The following GALNT18 variants were observed in gnomAD, a reference collection of about 807,000 sequenced individuals.
The protein encoded by GALNT18 is GalNAc-transferase 18.
Under a neutral mutation model 69.5 loss-of-function variants are expected in GALNT18, and 44 were observed. The ratio of observed to expected loss-of-function variants is 0.63; its 90% CI spans 0.50 to 0.81. GALNT18 has a LOEUF of 0.81. Among genes scored for constraint, GALNT18 ranks in the 40% least tolerant of loss-of-function variants. The pLI is 0.00. For missense variants in GALNT18, 715 were observed against 810.0 expected, an observed-to-expected ratio of 0.88 and a Z score of 1.42; for synonymous variants, 364 against 318.2, an observed-to-expected ratio of 1.14 and a Z score of -1.53.
chr11:11,390,085 T>A (rs915912448), intron 3 of GALNT18, among the ~76,000 whole-genome samples: 2 of 152,164 alleles, frequency 1.3e-5, no homozygotes, highest in African/African-American at 4.8e-5. Flanking sequence ...GATTCTGAGA[T>A]CCCATGAGTC....
In GALNT18 at chr11:11,463,122, T is replaced by G. The variant is rs978871091; in HGVS notation, c.236-14186A>C. Among the ~76,000 whole-genome samples the G allele has an allele frequency of 1.3e-5, 2 of 152,024 alleles. No individual in the cohort carries two copies. Among genetic ancestry groups the G allele is most frequent in the African/African-American group, 4.8e-5 (2 of 41,398 alleles). ...AGACCCTGGAACTATTAGTACAGTCTCCCACAAGAGAACAGGGTTCCTGCT... is the reference window on the plus strand; with the variant it reads ...AGACCCTGGAACTATTAGTACAGTCGCCCACAAGAGAACAGGGTTCCTGCT... On this transcript the variant is annotated intron_variant, in intron 1 of 10. Transcript: ENST00000227756. The surrounding 1 kb of genome is among the most constrained non-coding windows in gnomAD (Gnocchi z 4.2).
rs1849827466 is a variant in GALNT18, at chr11:11,320,678, C to G, written c.1512+6408G>C. Among the ~76,000 whole-genome samples, 1 of 152,168 alleles carries G rather than the reference C, an allele frequency of 6.6e-6. No individual in the cohort carries two copies. Among genetic ancestry groups the G allele is most frequent in the African/African-American group, 2.4e-5 (1 of 41,442 alleles). ...GATGACTTTGGGAAGCCTTGCCAGA[C>G]AGCAGCCCCTTACCTTTCACTCATC... On this transcript the variant is annotated intron_variant, in intron 9 of 10. Coordinates refer to ENST00000227756, the MANE Select transcript of GALNT18 (RefSeq NM_198516.3). This position sits in a 1 kb window ranked among gnomAD's most constrained non-coding sequence, Gnocchi z 4.9.
intron 2 of GALNT18, among the ~76,000 whole-genome samples, chr11:11,437,885 G>A (rs1269311123): frequency 6.6e-6 from 1 of 152,162 alleles, no homozygotes; most frequent in Non-Finnish European, 1.5e-5. Context: ...TGGGAGTGGA[G>A]GTGGGGCCCA....
At position 11,400,271 on chromosome 11, in the gene GALNT18, C is replaced by T. The variant is rs916640742; in HGVS notation, c.596-21007G>A. On this transcript the variant is annotated intron_variant, in intron 3 of 10. Coordinates refer to ENST00000227756, the MANE Select transcript of GALNT18 (RefSeq NM_198516.3). ...CCAAACCCACCCAGCTAAGACACTC[C>T]TGGATTCCTGACACTCAAAATTGTG... is the stretch of plus-strand genomic sequence containing the variant. 2.6e-5 allele frequency among the ~76,000 whole-genome samples: 4 copies of T among 152,334 alleles called. No homozygotes were observed. The East Asian group carries it at 7.7e-4, about 29-fold the overall frequency.
rs367816158 is a variant in GALNT18 at position 11,393,768 on chromosome 11, G to C, written c.596-14504C>G. Among the ~76,000 whole-genome samples the C allele has an allele frequency of 3.9e-5, 6 of 152,318 alleles. No individual in the cohort carries two copies. In the South Asian group the frequency reaches 1.2e-3, roughly 32 times the overall value. On this transcript the variant is annotated intron_variant, in intron 3 of 10. Coordinates refer to ENST00000227756, the MANE Select transcript of GALNT18 (RefSeq NM_198516.3). ...GCCCATCTTCTCACTGCGCCTTTCA[G>C]CATTATTGATTTTTTCCAGATCCCT... is the stretch of plus-strand genomic sequence containing the variant.
At position 11,542,568 on chromosome 11, in the gene GALNT18, C is replaced by T. The variant is rs185776769; in HGVS notation, c.235+78791G>A. Reference sequence around the variant, plus strand: ...TTCCGGAAAACAGTCATGCCAAGCTCAAAGAAGAAGGAACTAGGTGTCAAA... The same window carrying T: ...TTCCGGAAAACAGTCATGCCAAGCTTAAAGAAGAAGGAACTAGGTGTCAAA... On this transcript the variant is annotated intron_variant, in intron 1 of 10. Coordinates refer to ENST00000227756, the MANE Select transcript of GALNT18 (RefSeq NM_198516.3). This position sits in a 1 kb window ranked among gnomAD's most constrained non-coding sequence, Gnocchi z 4.3. 7.9e-5 allele frequency among the ~76,000 whole-genome samples: 12 copies of T among 152,296 alleles called. No homozygotes were observed. The East Asian group carries it at 2.1e-3, about 27-fold the overall frequency.
At position 11,307,054 on chromosome 11, in the gene GALNT18, T is replaced by TC. The variant is rs1386578149; in HGVS notation, c.1513-13862dup. 2.6e-5 allele frequency among the ~76,000 whole-genome samples: 4 copies of TC among 152,260 alleles called. No homozygotes were observed. The South Asian group carries it at 8.3e-4, about 32-fold the overall frequency. On this transcript the variant is annotated intron_variant, in intron 9 of 10. Transcript: ENST00000227756. ...CACTCCAGCCGACTGTCAGCCAGTCTCCAGAAGCAGAGTCAACTAGCTGAG... is the reference window on the plus strand; with the variant it reads ...CACTCCAGCCGACTGTCAGCCAGTCTCCCAGAAGCAGAGTCAACTAGCTGAG...
intron 3 of GALNT18, among the ~76,000 whole-genome samples, chr11:11,394,683 C>T (rs571526139): frequency 5.4e-4 from 83 of 152,362 alleles, no homozygotes; most frequent in African/African-American, 1.9e-3. Flanking sequence ...CATGGCCTCA[C>T]TAGGTCTCTA....
Position 11,431,410 on chromosome 11 carries a change from G to T in GALNT18, c.595+1211C>A, listed in dbSNP as rs190497551. Among the ~76,000 whole-genome samples the T allele has an allele frequency of 1.5e-4, 23 of 152,286 alleles. No homozygotes were observed. The East Asian group carries it at 4.4e-3, about 29-fold the overall frequency. On this transcript the variant is annotated intron_variant, in intron 3 of 10. Coordinates refer to ENST00000227756, the MANE Select transcript of GALNT18 (RefSeq NM_198516.3). The stretch of plus-strand genomic sequence containing the variant: ...GCTAGATGATGGTAGGCAGCCATCA[G>T]AGATGGGAGCTGAGCCCTTCCTGTC...
intron 1 of GALNT18, among the ~76,000 whole-genome samples, chr11:11,468,674 T>C (rs1856206415): frequency 6.6e-6 from 1 of 152,118 alleles, no homozygotes; most frequent in Admixed American, 6.5e-5. Context: ...GAGCCCCACT[T>C]TCCTGAGTCA....
rs942712126 is a variant in GALNT18, at chr11:11,387,844, G to A, written c.596-8580C>T. Among the ~76,000 whole-genome samples the A allele has an allele frequency of 7.2e-5, 11 of 152,204 alleles. No homozygotes were observed. Among genetic ancestry groups the A allele is most frequent in the Non-Finnish European group, 1.0e-4 (7 of 68,040 alleles). On this transcript the variant is annotated intron_variant, in intron 3 of 10. Coordinates refer to ENST00000227756, the MANE Select transcript of GALNT18 (RefSeq NM_198516.3). The surrounding 1 kb of genome is among the most constrained non-coding windows in gnomAD (Gnocchi z 4.6). ...GCCTGGCTTGGGCAGCTGGGATCCCGGAGAGCTCCGGGCAGCATTGCTGCG... is the reference window on the plus strand; with the variant it reads ...GCCTGGCTTGGGCAGCTGGGATCCCAGAGAGCTCCGGGCAGCATTGCTGCG...
At chr11:11,417,242 A>T (rs1260394516) in intron 3 of GALNT18, among the ~76,000 whole-genome samples, 1 of 152,226 alleles carries the variant, frequency 6.6e-6, no homozygotes, top group African/African-American at 2.4e-5. Flanking sequence ...CATATAGCCA[A>T]CGATGATGCC....
chr11:11,292,824 A>C (rs1849326582), intron 10 of GALNT18, among the ~76,000 whole-genome samples: 3 of 152,242 alleles, frequency 2.0e-5, no homozygotes, highest in African/African-American at 7.2e-5. Context: ...CACAGGGGTC[A>C]ATAGTCAACA....
intron 3 of GALNT18, among the ~76,000 whole-genome samples, chr11:11,410,416 G>T (rs994068966): frequency 6.6e-6 from 1 of 152,078 alleles, no homozygotes; most frequent in Non-Finnish European, 1.5e-5. Flanking sequence ...ATATTGGGGG[G>T]AAGGGAAGTG....
chr11:11,592,914 G>A lies in GALNT18; in HGVS notation c.235+28445C>T, dbSNP rs1323069687. ...CCAGAACAGAGGACGCCCATGCTTC[G>A]CGTTGTTTTTTTCTGTTTGTTTTTT... On this transcript the variant is annotated intron_variant, in intron 1 of 10. Coordinates refer to ENST00000227756, the MANE Select transcript of GALNT18 (RefSeq NM_198516.3). This position sits in a 1 kb window ranked among gnomAD's most constrained non-coding sequence, Gnocchi z 5.9. Among the ~76,000 whole-genome samples, 1 of 151,872 alleles carries A rather than the reference G, an allele frequency of 6.6e-6. No homozygotes were observed. Among genetic ancestry groups the A allele is most frequent in the Non-Finnish European group, 1.5e-5 (1 of 67,998 alleles).
Position 11,341,224 on chromosome 11 carries a change from G to A in GALNT18, c.1093-220C>T, listed in dbSNP as rs1850201058. 6.6e-6 allele frequency among the ~76,000 whole-genome samples: 1 copy of A among 152,046 alleles called. No homozygotes were observed. The highest frequency in any genetic ancestry group is 6.5e-5 in the Admixed American group (1 of 15,270). On this transcript the variant is annotated intron_variant, in intron 6 of 10. Coordinates refer to ENST00000227756, the MANE Select transcript of GALNT18 (RefSeq NM_198516.3). This position sits in a 1 kb window ranked among gnomAD's most constrained non-coding sequence, Gnocchi z 6.3. ...TTCATATATTGGCTCTTATTGCTGT[G>A]GATTTACCAACAAAAAAAATGAATG...
intron 10 of GALNT18, among the ~76,000 whole-genome samples, chr11:11,284,455 GGACCACACTTTGA>G (rs1192508193): frequency 1.3e-5 from 2 of 152,090 alleles, no homozygotes; most frequent in Non-Finnish European, 2.9e-5. Context: ...TGGTGGTCTG[GGACCACACTTTGA>G]GACCACAAGC....
Position 11,469,374 on chromosome 11 carries a change from C to T in GALNT18, c.236-20438G>A, listed in dbSNP as rs1172593554. Among the ~76,000 whole-genome samples the T allele has an allele frequency of 1.3e-5, 2 of 152,170 alleles. No individual in the cohort carries two copies. The highest frequency in any genetic ancestry group is 2.4e-5 in the African/African-American group (1 of 41,446). On this transcript the variant is annotated intron_variant, in intron 1 of 10. Transcript: ENST00000227756. The surrounding 1 kb of genome is among the most constrained non-coding windows in gnomAD (Gnocchi z 4.2). ...TCCAAGCTTCACAGCAATAGACAGT[C>T]CTCGTCAAGTTTGTTGTTATGGCTA...
chr11:11,506,283 T>C (rs1459584071), intron 1 of GALNT18, among the ~76,000 whole-genome samples: 2 of 152,242 alleles, frequency 1.3e-5, no homozygotes, highest in Admixed American at 6.5e-5. Flanking sequence ...AAGCTATTCA[T>C]GTATTTTGCA....
Sources: gnomAD v4.1 joint callset for allele counts (sites outside exome capture counted in the v4.1 genomes callset) on GRCh38, gnomAD v4.1.1 for gene constraint, Gnocchi (gnomAD v3.1) non-coding constraint, MANE v1.5 for transcripts, NCBI Gene and HGNC (gene_info 2026-07-23, HGNC 2026-07-21) for gene names.